The following ARHGAP40 variants were observed in gnomAD, a reference collection of about 807,000 sequenced individuals.
ARHGAP40 encodes the protein rho GTPase-activating protein 40.
ARHGAP40 carries 43 observed loss-of-function variants against 73.5 expected under a neutral mutation model. That is an observed-to-expected ratio of 0.58 (90% CI 0.46 to 0.75). The LOEUF is 0.75. Ranked by LOEUF, ARHGAP40 falls within the 30% of genes least tolerant of loss-of-function variation. The pLI is 0.00. For synonymous variants in ARHGAP40, 300 were observed against 352.8 expected (o/e 0.85, Z 1.68); for missense variants, 734 against 861.8 (o/e 0.85, Z 1.86).
At chr20:38,612,254 A>G (rs2088808655) in intron 1 of ARHGAP40, among the ~76,000 whole-genome samples, 1 of 152,250 alleles carries the variant, frequency 6.6e-6, no homozygotes, top group Admixed American at 6.5e-5. Context: ...TCCTTAATAT[A>G]TATTTAGATT....
chr20:38,603,343 A>C (rs1601129412), intron 1 of ARHGAP40, among the ~76,000 whole-genome samples: 1 of 152,350 alleles, frequency 6.6e-6, no homozygotes, highest in Non-Finnish European at 1.5e-5. Flanking sequence ...ACAGGCAAAA[A>C]TTACTCAGGA....
chr20:38,603,447 A>ATCTG (rs1271967328), intron 1 of ARHGAP40, among the ~76,000 whole-genome samples: 79 of 145,576 alleles, frequency 5.4e-4, no homozygotes, highest in Admixed American at 4.1e-3. Context: ...CTATCTATCT[A>ATCTG]TCTATCTATC....
chr20:38,607,861 G>A (rs1181543499), intron 1 of ARHGAP40, among the ~76,000 whole-genome samples: 1 of 152,124 alleles, frequency 6.6e-6, no homozygotes, highest in Non-Finnish European at 1.5e-5. Context: ...TTTTCACATA[G>A]GGCATTTGCA....
intron 1 of ARHGAP40, among the ~76,000 whole-genome samples, chr20:38,612,968 C>T (rs1276861714): frequency 6.6e-6 from 1 of 152,214 alleles, no homozygotes; most frequent in Non-Finnish European, 1.5e-5. Flanking sequence ...CACAGGGCTG[C>T]GCTGCTGGCT....
intron 14 of ARHGAP40, 27 bp from the exon 15 acceptor site, chr20:38,649,730 A>C: frequency 7.9e-7 from 1 of 1,259,338 alleles, no homozygotes; most frequent in Non-Finnish European, 1.1e-6. Context: ...CCTCCCACTC[A>C]ACCTCCTTCA....
rs769605605 is a variant in ARHGAP40 at position 38,623,574 on chromosome 20, G to A, written c.337+16G>A. The A allele has an allele frequency of 1.2e-5, 16 of 1,281,690 alleles. No individual in the cohort carries two copies. The highest frequency in any genetic ancestry group is 4.6e-5 in the African/African-American group (3 of 65,814). 79.4% of individuals were successfully genotyped at this position (1,281,690 alleles called of 1,614,324 possible). On this transcript the variant is annotated intron_variant, in intron 2 of 14. Transcript: ENST00000373345. ...CTTCCAGAGGGTGAGAGACCCTGGCGGGGGCCTATAGGGGTGGTGGGAGGG... is the reference window on the plus strand; with the variant it reads ...CTTCCAGAGGGTGAGAGACCCTGGCAGGGGCCTATAGGGGTGGTGGGAGGG...
In ARHGAP40 at chr20:38,646,933, ATCTT is replaced by A. The variant is rs2089057438; in HGVS notation, c.1711-20_1711-17del. ...GGCAAGCTGACTCTTATGTATATGG[ATCTT>A]TCTCTCTCTCTCTCTGCAGACTCCC... On this transcript the variant is annotated intron_variant, in intron 12 of 14. Coordinates refer to ENST00000373345, the Ensembl canonical transcript of ARHGAP40. This position sits in a 1 kb window ranked among gnomAD's most constrained non-coding sequence, Gnocchi z 4.5. 7.7e-7 allele frequency: 1 copy of A among 1,299,448 alleles called. No homozygotes were observed. Among genetic ancestry groups the A allele is most frequent in the Admixed American group, 2.3e-5 (1 of 43,054 alleles). The allele number at this position is 1,299,448 out of a possible 1,614,324, so 80.5% of individuals were successfully genotyped here. A position where few individuals can be genotyped will look rare whatever the true frequency, so the allele number is the denominator to read the frequency against.
At chr20:38,607,839 A>G (rs2088780635) in intron 1 of ARHGAP40, among the ~76,000 whole-genome samples, 1 of 152,164 alleles carries the variant, frequency 6.6e-6, no homozygotes, top group Admixed American at 6.5e-5. Flanking sequence ...ATTACTTGCG[A>G]GGCTCCACAT....
intron 1 of ARHGAP40, among the ~76,000 whole-genome samples, chr20:38,619,235 C>T (rs2088860906): frequency 1.3e-5 from 2 of 152,068 alleles, no homozygotes; most frequent in Admixed American, 1.3e-4. Flanking sequence ...TGGATTTTAT[C>T]CTCAGGGTCC....
intron 1 of ARHGAP40, chr20:38,615,471 G>A (rs900238860): frequency 7.3e-6 from 5 of 687,230 alleles, no homozygotes; most frequent in East Asian, 3.0e-5. Context: ...CCTCGGCCAC[G>A]TCCATGGCGG....
chr20:38,603,407 G>GTCTATCTA (rs71330431), intron 1 of ARHGAP40, among the ~76,000 whole-genome samples: 45 of 129,576 alleles, frequency 3.5e-4, no homozygotes, highest in South Asian at 5.2e-4. Context: ...TTGTTTATCT[G>GTCTATCTA]TCTATCTATC....
chr20:38,642,080 AAC>A (rs1457430084), intron 10 of ARHGAP40, among the ~76,000 whole-genome samples: 1 of 152,142 alleles, frequency 6.6e-6, no homozygotes, highest in Non-Finnish European at 1.5e-5. Flanking sequence ...TGGATGGGTA[AAC>A]ACAGAGTTCA....
intron 6 of ARHGAP40, 109 bp downstream of exon 6, chr20:38,634,894 T>G: frequency 8.7e-7 from 1 of 1,144,842 alleles, no homozygotes; most frequent in Non-Finnish European, 1.1e-6. Flanking sequence ...TTCTTTTTTT[T>G]TTTTTTGAGA....
At chr20:38,616,153 C>A (rs1273273123) in intron 1 of ARHGAP40, among the ~76,000 whole-genome samples, 1 of 152,200 alleles carries the variant, frequency 6.6e-6, no homozygotes, top group East Asian at 1.9e-4. Context: ...ACAGCCACTC[C>A]CTGATGGTGG....
At chr20:38,624,155 G>C (rs2088887570) in intron 2 of ARHGAP40, among the ~76,000 whole-genome samples, 1 of 152,068 alleles carries the variant, frequency 6.6e-6, no homozygotes. Context: ...ATGGTAGCTG[G>C]GGCTGGACTC....
chr20:38,619,061 G>A (rs111550203), intron 1 of ARHGAP40, among the ~76,000 whole-genome samples: 8,260 of 152,270 alleles, frequency 0.054, 733 homozygotes, highest in African/African-American at 0.19. Context: ...GTGTTATGGA[G>A]AAGCAGATGG....
At chr20:38,628,205 G>A (rs1435310770) in intron 3 of ARHGAP40, among the ~76,000 whole-genome samples, 4 of 152,284 alleles carry the variant, frequency 2.6e-5, no homozygotes, top group Non-Finnish European at 4.4e-5. Flanking sequence ...CATGGCAATG[G>A]TAAACTGTCA....
At position 38,632,194 on chromosome 20, in the gene ARHGAP40, C is replaced by T. The variant is rs2088944068; in HGVS notation, c.784-2426C>T. ...GGCCAGGCTGGTCTCGAACTCCTGA[C>T]CTCAGGTGATCTGCCCGCCTCAGCC... On this transcript the variant is annotated intron_variant, in intron 5 of 14. Transcript: ENST00000373345. 3.3e-5 allele frequency among the ~76,000 whole-genome samples: 5 copies of T among 151,994 alleles called. No individual in the cohort carries two copies. In the South Asian group the frequency reaches 6.2e-4, roughly 19 times the overall value.
chr20:38,637,450 T>G (rs2088982567), intron 6 of ARHGAP40, among the ~76,000 whole-genome samples: 1 of 152,044 alleles, frequency 6.6e-6, no homozygotes, highest in Non-Finnish European at 1.5e-5. Flanking sequence ...CACCCGGCCC[T>G]TTCAATACTT....
Sources: allele counts gnomAD v4.1 joint callset (sites outside exome capture counted in the v4.1 genomes callset), GRCh38; gene constraint gnomAD v4.1.1; non-coding constraint Gnocchi (gnomAD v3.1); transcripts MANE v1.5; gene names NCBI Gene and HGNC (gene_info 2026-07-23, HGNC 2026-07-21).